Variants in KCNK2 observed in about 807,000 individuals in gnomAD.
The protein encoded by KCNK2 is potassium two pore domain channel subfamily K member 2.
Under a neutral mutation model 40.5 loss-of-function variants are expected in KCNK2, and 21 were observed. That is an observed-to-expected ratio of 0.52 (90% CI 0.37 to 0.75). The LOEUF (loss-of-function observed/expected upper bound fraction) is 0.75, where lower values mean the gene tolerates loss of function less well. KCNK2 is among the 30% of genes least tolerant of loss of function. The pLI is 0.00. For synonymous variants in KCNK2, 191 were observed against 202.2 expected (o/e 0.94, Z 0.47); for missense variants, 399 against 531.6 (o/e 0.75, Z 2.45).
At chr1:215,155,467 G>A (rs942083619) in intron 3 of KCNK2, among the ~76,000 whole-genome samples, 7 of 151,818 alleles carry the variant, frequency 4.6e-5, no homozygotes, top group African/African-American at 1.7e-4. Flanking sequence ...ACGAATTTTT[G>A]TTGCAAAGAT....
In KCNK2 at chr1:215,082,971, C is replaced by T. The variant is rs950438343; in HGVS notation, c.-415C>T. Among the ~76,000 whole-genome samples the T allele has an allele frequency of 8.1e-5, 12 of 147,614 alleles. No individual in the cohort carries two copies. Among genetic ancestry groups the T allele is most frequent in the African/African-American group, 2.7e-4 (11 of 40,918 alleles). ...GCCCCCGCGCCGCGCCGTGCCGGGG[C>T]CGGGCCAGCGAGCAGCCCGGGGCTG... On this transcript the variant is annotated 5_prime_UTR_variant, in exon 1 of 7. Transcript: ENST00000444842.
intron 1 of KCNK2, among the ~76,000 whole-genome samples, chr1:215,073,460 C>G (rs949827590): frequency 3.4e-4 from 52 of 152,098 alleles, no homozygotes; most frequent in African/African-American, 1.2e-3. Context: ...GTTAGGGGAG[C>G]TTTTCTGAGG....
chr1:215,232,470 T>C (rs1292998974), intron 6 of KCNK2, among the ~76,000 whole-genome samples: 2 of 152,198 alleles, frequency 1.3e-5, no homozygotes, highest in African/African-American at 2.4e-5. Flanking sequence ...TAAATAATAC[T>C]GCCAATTACT....
intron 3 of KCNK2, among the ~76,000 whole-genome samples, chr1:215,166,594 G>T (rs1357242707): frequency 6.6e-6 from 1 of 152,048 alleles, no homozygotes; most frequent in Non-Finnish European, 1.5e-5. Context: ...GCTGCTTTGA[G>T]AATTGGGAGA....
At chr1:215,216,425 T>C (rs368062434) in intron 6 of KCNK2, among the ~76,000 whole-genome samples, 1 of 143,412 alleles carries the variant, frequency 7.0e-6, no homozygotes. Context: ...TATTATATGT[T>C]ATAATATATA....
chr1:215,093,715 TATATAAAAATATATAATATATA>T (rs1321659963), intron 2 of KCNK2, among the ~76,000 whole-genome samples: 2 of 94,542 alleles, frequency 2.1e-5, no homozygotes, highest in Admixed American at 1.8e-4. Context: ...TATTATATAT[TATATAAAAATATATAATATATA>T]ATATAAAAAT....
chr1:215,223,904 T>C (rs1282481659), intron 6 of KCNK2, among the ~76,000 whole-genome samples: 1 of 151,284 alleles, frequency 6.6e-6, no homozygotes, highest in Non-Finnish European at 1.5e-5. Context: ...AAGCAGAGAA[T>C]GTTAGGTTTT....
chr1:215,072,246 G>A (rs779105695), intron 1 of KCNK2, among the ~76,000 whole-genome samples: 4 of 152,124 alleles, frequency 2.6e-5, no homozygotes, highest in Non-Finnish European at 4.4e-5. Context: ...AGACATACTC[G>A]AGACTGGGTA....
intron 1 of KCNK2, among the ~76,000 whole-genome samples, chr1:215,010,900 G>GTGTGTGTGTGTGTA (rs559932493): frequency 2.9e-5 from 4 of 137,844 alleles, no homozygotes; most frequent in Non-Finnish European, 6.2e-5. Context: ...GTGTGTGTAT[G>GTGTGTGTGTGTGTA]TGTGTGTATA....
chr1:215,146,130 G>T (rs985319365), intron 3 of KCNK2, among the ~76,000 whole-genome samples: 2 of 152,140 alleles, frequency 1.3e-5, no homozygotes, highest in Non-Finnish European at 2.9e-5. Flanking sequence ...TGAGACACTT[G>T]TGGAGCCTGA....
chr1:215,149,523 A>G (rs973565083), intron 3 of KCNK2, among the ~76,000 whole-genome samples: 2 of 152,198 alleles, frequency 1.3e-5, no homozygotes, highest in African/African-American at 4.8e-5. Flanking sequence ...TGTTAAAGAA[A>G]AAGGTCACTA....
At chr1:215,007,159 ATGTATATATATATG>A (rs1169656792) in intron 1 of KCNK2, among the ~76,000 whole-genome samples, 9 of 116,034 alleles carry the variant, frequency 7.8e-5, no homozygotes, top group African/African-American at 3.3e-4. Flanking sequence ...ATATATATGT[ATGTATATATATATG>A]TATGTGTGTG....
intron 2 of KCNK2, among the ~76,000 whole-genome samples, chr1:215,105,321 G>A (rs1660389520): frequency 6.6e-6 from 1 of 152,028 alleles, no homozygotes; most frequent in Admixed American, 6.6e-5. Flanking sequence ...ATATAAGTGG[G>A]AACATACGGT....
intron 6 of KCNK2, among the ~76,000 whole-genome samples, chr1:215,219,725 A>T (rs1666097537): frequency 6.6e-6 from 1 of 152,050 alleles, no homozygotes; most frequent in Admixed American, 6.6e-5. Context: ...TCATCATCAA[A>T]CTGTCAATTT....
intron 1 of KCNK2, among the ~76,000 whole-genome samples, chr1:215,063,904 A>C (rs28753797): frequency 0.13 from 19,748 of 152,162 alleles, 1,363 homozygotes; most frequent in Middle Eastern, 0.27. Context: ...CAAAATTAAC[A>C]GCTGGTTAGA....
chr1:215,140,048 G>A (rs958911379), intron 3 of KCNK2, among the ~76,000 whole-genome samples: 1 of 152,012 alleles, frequency 6.6e-6, no homozygotes, highest in African/African-American at 2.4e-5. Context: ...TGGTCTTTAT[G>A]GATGTTATAA....
At chr1:215,018,144 A>G (rs1243698863) in intron 1 of KCNK2, among the ~76,000 whole-genome samples, 1 of 152,190 alleles carries the variant, frequency 6.6e-6, no homozygotes, top group Non-Finnish European at 1.5e-5. Flanking sequence ...TATGTCCAAT[A>G]TAAAGGTCTA....
At chr1:215,042,573 G>A (rs1657606153) in intron 1 of KCNK2, among the ~76,000 whole-genome samples, 1 of 152,196 alleles carries the variant, frequency 6.6e-6, no homozygotes, top group East Asian at 1.9e-4. Context: ...ATTTGACTAA[G>A]AATAAGAGTA....
intron 3 of KCNK2, among the ~76,000 whole-genome samples, chr1:215,129,652 G>T (rs2102587425): frequency 6.6e-6 from 1 of 152,260 alleles, no homozygotes; most frequent in East Asian, 1.9e-4. Context: ...ACAGATTTTG[G>T]CATGTTCAAA....
Sources: allele counts gnomAD v4.1 joint callset (sites outside exome capture counted in the v4.1 genomes callset), GRCh38; gene constraint gnomAD v4.1.1; transcripts MANE v1.5; gene names NCBI Gene and HGNC (gene_info 2026-07-23, HGNC 2026-07-21).